ABCA10: variants seen among roughly 807,000 people sequenced by gnomAD.
ABCA10 encodes the protein ATP binding cassette subfamily A member 10.
In ABCA10, 169 loss-of-function variants were observed where a neutral mutation model predicts 187.5. The ratio of observed to expected loss-of-function variants is 0.90; its 90% CI spans 0.80 to 1.02. The LOEUF (loss-of-function observed/expected upper bound fraction) is 1.02, where lower values mean the gene tolerates loss of function less well. Ranked by LOEUF, ABCA10 falls within the 50% of genes least tolerant of loss-of-function variation. The probability of loss-of-function intolerance (pLI) is 0.00; values close to 1 mark genes in which losing one functional copy is unlikely to be tolerated. For synonymous variants in ABCA10, 574 were observed against 601.8 expected (o/e 0.95, Z 0.68); for missense variants, 1,727 against 1,812.4 (o/e 0.95, Z 0.86).
At position 69,148,674 on chromosome 17, in the gene ABCA10, T is replaced by G; in HGVS notation, c.*153A>C. ...TCCCTATATTTCCTTGTTTCCTTCA[T>G]CCTAAATTTTTAAAAATGAAAACTG... is the stretch of plus-strand genomic sequence containing the variant. On this transcript the variant is annotated 3_prime_UTR_variant, in exon 39 of 39. Transcript: ENST00000690296. 1.5e-6 allele frequency: 1 copy of G among 671,162 alleles called. No homozygotes were observed. The highest frequency in any genetic ancestry group is 2.4e-6 in the Non-Finnish European group (1 of 414,846). 41.6% of individuals were successfully genotyped at this position (671,162 alleles called of 1,614,324 possible). A position where few individuals can be genotyped will look rare whatever the true frequency, so the allele number is the denominator to read the frequency against.
chr17:69,156,022 A>G, intron 28 of ABCA10, 97 bp from the exon 29 acceptor site: 1 of 1,334,938 alleles, frequency 7.5e-7, no homozygotes, highest in South Asian at 1.6e-5. Context: ...CCTTTTTAAA[A>G]AAGACTATCA....
intron 16 of ABCA10, among the ~76,000 whole-genome samples, chr17:69,191,740 T>C (rs1300834780): frequency 6.6e-6 from 1 of 152,172 alleles, no homozygotes; most frequent in African/African-American, 2.4e-5. Flanking sequence ...TGATAGGATA[T>C]AAGATACATG....
At position 69,201,537 on chromosome 17, in the gene ABCA10, G is replaced by A. The variant is rs532088283; in HGVS notation, c.1138C>T (p.Pro380Ser). 12 of 1,605,788 alleles carry A rather than the reference G, an allele frequency of 7.5e-6. No homozygotes were observed. In the East Asian group the frequency reaches 2.2e-4, roughly 30 times the overall value. The stretch of plus-strand genomic sequence containing the variant: ...TTTCCATGGAATTCTGGAGACACCG[G>A]TTCAAAAGAATCATCAGAGGAATGC... ...PEHSSDDSFE[P>S]VSPEFHGKEA... The change falls in exon 10 of 39, where the codon CCG (proline) becomes TCG (serine). Residue 380 changes from proline to serine, a missense_variant. Transcript: ENST00000690296.
At position 69,151,250 on chromosome 17, in the gene ABCA10, G is replaced by A. The variant is rs80329482; in HGVS notation, c.4397+793C>T. Among the ~76,000 whole-genome samples, 1,413 of 152,190 alleles carry A rather than the reference G, an allele frequency of 9.3e-3. 16 individuals carry two copies. Among genetic ancestry groups the A allele is most frequent in the African/African-American group, 0.031 (1,300 of 41,508 alleles). On this transcript the variant is annotated intron_variant, in intron 36 of 38. Coordinates refer to ENST00000690296, the MANE Select transcript of ABCA10 (RefSeq NM_001377321.1). ...AAATGTGCTGTTTCCTGGAAACAGT[G>A]TCTGTTACTCCCACTCTTCAGCTGA...
rs79933108 is a variant in ABCA10, at chr17:69,193,746, G to A, written c.1521+68C>T. On this transcript the variant is annotated intron_variant, in intron 13 of 38. Coordinates refer to ENST00000690296, the MANE Select transcript of ABCA10 (RefSeq NM_001377321.1). ...CCTATCAAAGAGTAGAGTAATAGCT[G>A]AACAAAAAAAATATATAGTCAAAAG... The A allele has an allele frequency of 9.6e-4, 1,507 of 1,574,726 alleles. 32 individuals are homozygous for A. In the East Asian group the frequency reaches 0.026, roughly 27 times the overall value.
chr17:69,235,247 C>T (rs2074860035), intron 1 of ABCA10, among the ~76,000 whole-genome samples: 2 of 152,098 alleles, frequency 1.3e-5, no homozygotes, highest in Admixed American at 6.5e-5. Flanking sequence ...GTGCCTGAAA[C>T]GTTTCCTATT....
intron 5 of ABCA10, among the ~76,000 whole-genome samples, chr17:69,221,310 G>C (rs781238796): frequency 3.8e-4 from 58 of 152,168 alleles, no homozygotes; most frequent in Non-Finnish European, 7.6e-4. Flanking sequence ...ATTGAGTTGA[G>C]TTGAGTCAAA....
chr17:69,157,788 T>G (rs1006658282), intron 27 of ABCA10, among the ~76,000 whole-genome samples: 6 of 149,102 alleles, frequency 4.0e-5, no homozygotes, highest in Non-Finnish European at 7.4e-5. Context: ...TCCTTAAAGA[T>G]AGAAATAAAA....
chr17:69,154,865 AGACTTATCTGCT>A (rs1287595258), intron 30 of ABCA10, among the ~76,000 whole-genome samples, 142 bp downstream of exon 30: 1 of 152,214 alleles, frequency 6.6e-6, no homozygotes, highest in Non-Finnish European at 1.5e-5. Context: ...GAAGTAGAAA[AGACTTATCTGCT>A]GACATGTGAA....
intron 27 of ABCA10, among the ~76,000 whole-genome samples, chr17:69,160,628 C>A (rs544659295): frequency 7.9e-5 from 12 of 151,690 alleles, no homozygotes; most frequent in Non-Finnish European, 1.2e-4. Flanking sequence ...AACAAAAAAA[C>A]CAAATAACTT....
chr17:69,210,275 C>T (rs1471028280), intron 9 of ABCA10, among the ~76,000 whole-genome samples: 16 of 145,206 alleles, frequency 1.1e-4, no homozygotes, highest in African/African-American at 3.4e-4. Context: ...CTGCAAGCTC[C>T]GCTTCCCGGG....
intron 18 of ABCA10, among the ~76,000 whole-genome samples, chr17:69,188,599 G>A (rs934258580): frequency 1.3e-5 from 2 of 151,504 alleles, no homozygotes; most frequent in Middle Eastern, 3.4e-3. Context: ...AGTAAATTGC[G>A]TGTCATGGGG....
rs757242149 is a variant in ABCA10 at position 69,192,553 on chromosome 17, G to C, written c.1871+10C>G. On this transcript the variant is annotated intron_variant, in intron 16 of 38. Transcript: ENST00000690296. Reference sequence around the variant, plus strand: ...GCTCATTTAAAAATAACTACACCTAGAATACATACCTTAAATGATATCCAA... The same window carrying C: ...GCTCATTTAAAAATAACTACACCTACAATACATACCTTAAATGATATCCAA... 6.3e-7 allele frequency: 1 copy of C among 1,598,678 alleles called. No homozygotes were observed. The highest frequency in any genetic ancestry group is 1.1e-5 in the South Asian group (1 of 90,376).
intron 18 of ABCA10, 117 bp downstream of exon 18, chr17:69,190,241 A>G (rs918709397): frequency 8.6e-7 from 1 of 1,158,362 alleles, no homozygotes; most frequent in African/African-American, 1.6e-5. Flanking sequence ...GCTATTTTCT[A>G]TCTAATGCAT....
At chr17:69,172,299 T>C (rs2074304167) in intron 25 of ABCA10, among the ~76,000 whole-genome samples, 1 of 152,148 alleles carries the variant, frequency 6.6e-6, no homozygotes. Context: ...CCCCAGTAGC[T>C]CAGAACATGA....
chr17:69,196,673 G>A (rs1364397649), intron 11 of ABCA10, among the ~76,000 whole-genome samples: 1 of 152,194 alleles, frequency 6.6e-6, no homozygotes, highest in East Asian at 1.9e-4. Flanking sequence ...GCTGGGAGGT[G>A]GAGGTTGTAG....
At chr17:69,183,889 G>C (rs1270526606) in intron 20 of ABCA10, among the ~76,000 whole-genome samples, 4 of 152,144 alleles carry the variant, frequency 2.6e-5, no homozygotes, top group Non-Finnish European at 5.9e-5. Flanking sequence ...AGGGAGTGCA[G>C]ATTCAAGCAC....
chr17:69,149,221 AAGG>A, intron 37 of ABCA10, 133 bp from the exon 38 acceptor site: 1 of 931,574 alleles, frequency 1.1e-6, no homozygotes, highest in Non-Finnish European at 1.6e-6. Context: ...CATTTTCTTG[AAGG>A]ATAAAGAAGA....
chr17:69,225,464 G>A lies in ABCA10; in HGVS notation c.-106C>T. ...CTTTAGGAGGTTGTTCAGGAAAACGGGTAGCTCTGAAGTGTTCCGAAAAGA... is the reference window on the plus strand; with the variant it reads ...CTTTAGGAGGTTGTTCAGGAAAACGAGTAGCTCTGAAGTGTTCCGAAAAGA... On this transcript the variant is annotated 5_prime_UTR_variant, in exon 3 of 39. Transcript: ENST00000690296. The A allele has an allele frequency of 8.5e-7, 1 of 1,183,128 alleles. No homozygotes were observed. Among genetic ancestry groups the A allele is most frequent in the Non-Finnish European group, 1.2e-6 (1 of 808,026 alleles). 73.3% of individuals were successfully genotyped at this position (1,183,128 alleles called of 1,614,324 possible). A position where few individuals can be genotyped will look rare whatever the true frequency, so the allele number is the denominator to read the frequency against.
Sources: gnomAD v4.1 joint callset for allele counts (sites outside exome capture counted in the v4.1 genomes callset) on GRCh38, gnomAD v4.1.1 for gene constraint, MANE v1.5 for transcripts, NCBI Gene and HGNC (gene_info 2026-07-23, HGNC 2026-07-21) for gene names.